The following TNIK variants were observed in gnomAD, a reference collection of about 807,000 sequenced individuals.
TNIK encodes TRAF2 and NCK interacting kinase.
Under a neutral mutation model 191.3 loss-of-function variants are expected in TNIK, and 49 were observed. The ratio of observed to expected loss-of-function variants is 0.26; its 90% CI spans 0.20 to 0.32. TNIK has a LOEUF of 0.32. Ranked by LOEUF, TNIK falls within the 10% of genes least tolerant of loss-of-function variation. TNIK has a pLI of 1.00. For missense variants in TNIK, 1,155 were observed against 1,702.3 expected (o/e 0.68, Z 5.66); for synonymous variants, 594 against 600.9 (o/e 0.99, Z 0.17).
intron 7 of TNIK, among the ~76,000 whole-genome samples, chr3:171,178,277 G>A (rs528505165): frequency 1.2e-4 from 18 of 152,274 alleles, no homozygotes; most frequent in Middle Eastern, 3.4e-3. Flanking sequence ...ATTTCATATG[G>A]TTTTACCTAA....
At chr3:171,340,665 G>A (rs1443575026) in intron 2 of TNIK, among the ~76,000 whole-genome samples, 3 of 152,162 alleles carry the variant, frequency 2.0e-5, no homozygotes, top group Non-Finnish European at 2.9e-5. Context: ...TTCTTTTAGT[G>A]CCTAACACAG....
chr3:171,300,618 T>A (rs1752781148), intron 2 of TNIK, among the ~76,000 whole-genome samples: 2 of 152,204 alleles, frequency 1.3e-5, no homozygotes, highest in African/African-American at 4.8e-5. Context: ...ACAGTGCATA[T>A]TGATGAAATA....
chr3:171,244,152 C>T (rs959345546), intron 2 of TNIK, among the ~76,000 whole-genome samples: 1 of 151,672 alleles, frequency 6.6e-6, no homozygotes, highest in Admixed American at 6.6e-5. Context: ...GCAAGCTCCG[C>T]CTCCCGGGTT....
At chr3:171,192,670 A>G (rs1738201645) in intron 5 of TNIK, among the ~76,000 whole-genome samples, 3 of 152,232 alleles carry the variant, frequency 2.0e-5, no homozygotes, top group African/African-American at 4.8e-5. Context: ...AACCAGCCCT[A>G]GAGACCTGAC....
At chr3:171,295,316 A>C (rs758555730) in intron 2 of TNIK, among the ~76,000 whole-genome samples, 7 of 152,208 alleles carry the variant, frequency 4.6e-5, no homozygotes, top group Non-Finnish European at 1.0e-4. Context: ...TCTTTGTTTT[A>C]TAAGGATGAC....
intron 2 of TNIK, among the ~76,000 whole-genome samples, chr3:171,305,057 A>AC (rs72303010): frequency 1.3e-5 from 2 of 151,650 alleles, no homozygotes; most frequent in African/African-American, 4.8e-5. Context: ...AGGGAAAAAA[A>AC]AAAAGGAAAA....
In TNIK at chr3:171,233,359, G is replaced by GA. The variant is rs1416228502; in HGVS notation, c.124-5139dup. ...CATGAAAATAAATCAAATCAAAATG[G>GA]AAAAAAAAAGCAGAATGTAGAATAT... On this transcript the variant is annotated intron_variant, in intron 2 of 32. Transcript: ENST00000436636. Among the ~76,000 whole-genome samples the GA allele has an allele frequency of 3.9e-4, 58 of 149,228 alleles. No homozygotes were observed. The East Asian group carries it at 7.4e-3, about 19-fold the overall frequency.
chr3:171,389,575 A>G (rs1719193818), intron 1 of TNIK, among the ~76,000 whole-genome samples: 1 of 152,202 alleles, frequency 6.6e-6, no homozygotes, highest in Admixed American at 6.5e-5. Flanking sequence ...CAGATGTTAC[A>G]TGCCCATTAA....
intron 3 of TNIK, among the ~76,000 whole-genome samples, chr3:171,222,907 C>T (rs1560283969): frequency 6.6e-6 from 1 of 152,052 alleles, no homozygotes; most frequent in Non-Finnish European, 1.5e-5. Context: ...GACTTACGGT[C>T]TCCCACCCTT....
intron 4 of TNIK, among the ~76,000 whole-genome samples, chr3:171,203,805 A>G (rs1475327371): frequency 6.6e-6 from 1 of 152,190 alleles, no homozygotes; most frequent in East Asian, 1.9e-4. Flanking sequence ...TTTGTCCTTA[A>G]AACGCACACG....
chr3:171,260,781 TA>T (rs1329468416), intron 2 of TNIK, among the ~76,000 whole-genome samples: 7 of 152,308 alleles, frequency 4.6e-5, no homozygotes, highest in Non-Finnish European at 8.8e-5. Flanking sequence ...AAAAACTCAA[TA>T]GAACCTTCCT....
chr3:171,422,841 A>G (rs1208852771), intron 1 of TNIK, among the ~76,000 whole-genome samples: 1 of 152,242 alleles, frequency 6.6e-6, no homozygotes. Flanking sequence ...GCTTTGAACA[A>G]TGGATATCTT....
intron 19 of TNIK, among the ~76,000 whole-genome samples, chr3:171,108,649 G>A (rs1725347861): frequency 6.6e-6 from 1 of 152,034 alleles, no homozygotes; most frequent in Non-Finnish European, 1.5e-5. Flanking sequence ...TTCTATGCTT[G>A]TTTTCTTCTT....
chr3:171,443,004 G>A (rs1727020143), intron 1 of TNIK, among the ~76,000 whole-genome samples: 1 of 152,214 alleles, frequency 6.6e-6, no homozygotes, highest in South Asian at 2.1e-4. Context: ...ACAACAGAGT[G>A]TCTGTGCAAT....
At chr3:171,075,553 G>A (rs747735768) in intron 28 of TNIK, among the ~76,000 whole-genome samples, 8 of 152,076 alleles carry the variant, frequency 5.3e-5, no homozygotes, top group Admixed American at 3.9e-4. Flanking sequence ...AAACATTCCC[G>A]CATGTGGTCT....
intron 2 of TNIK, among the ~76,000 whole-genome samples, chr3:171,363,431 T>C (rs553940715): frequency 1.6e-4 from 24 of 152,280 alleles, no homozygotes; most frequent in African/African-American, 5.5e-4. Flanking sequence ...ATTATTCCCA[T>C]ACAAAGCACA....
At chr3:171,161,381 G>T in intron 10 of TNIK, 45 bp from the exon 11 acceptor site, 2 of 1,573,218 alleles carry the variant, frequency 1.3e-6, no homozygotes, top group Non-Finnish European at 1.7e-6. Flanking sequence ...AGATGCTATG[G>T]CTCAGTAAAG....
At chr3:171,155,160 A>G (rs1733004120) in intron 12 of TNIK, among the ~76,000 whole-genome samples, 1 of 152,232 alleles carries the variant, frequency 6.6e-6, no homozygotes, top group South Asian at 2.1e-4. Flanking sequence ...ACTCAAGCTG[A>G]ACTATGGGCT....
At chr3:171,309,720 T>C (rs571212597) in intron 2 of TNIK, among the ~76,000 whole-genome samples, 1 of 152,296 alleles carries the variant, frequency 6.6e-6, no homozygotes, top group East Asian at 1.9e-4. Context: ...GGGTGGGGGT[T>C]TTATGAAGAG....
Sources: allele counts gnomAD v4.1 joint callset (sites outside exome capture counted in the v4.1 genomes callset), GRCh38; gene constraint gnomAD v4.1.1; transcripts MANE v1.5; gene names NCBI Gene and HGNC (gene_info 2026-07-23, HGNC 2026-07-21).